The following DMXL2 variants were observed in gnomAD, a reference collection of about 807,000 sequenced individuals.
DMXL2 encodes dmX-like protein 2.
A neutral mutation model predicts 331.1 loss-of-function variants in DMXL2; 103 were observed. The ratio of observed to expected loss-of-function variants is 0.31; its 90% CI spans 0.27 to 0.37. The LOEUF (loss-of-function observed/expected upper bound fraction) is 0.37. Ranked by LOEUF, DMXL2 falls within the 10% of genes least tolerant of loss-of-function variation. The pLI is 1.00. For synonymous variants in DMXL2, 1,281 were observed against 1,252.1 expected, an observed-to-expected ratio of 1.02 and a Z score of -0.49; for missense variants, 3,171 against 3,642.9, an observed-to-expected ratio of 0.87 and a Z score of 3.33.
chr15:51,507,105 C>A, intron 16 of DMXL2, 29 bp downstream of exon 16: 1 of 1,495,806 alleles, frequency 6.7e-7, no homozygotes, highest in East Asian at 2.4e-5. Context: ...TGTTATGTAT[C>A]ATCTCTGTAT....
intron 3 of DMXL2, chr15:51,566,983 T>C (rs893368629): frequency 2.6e-5 from 4 of 152,042 alleles, no homozygotes; most frequent in African/African-American, 9.7e-5. Flanking sequence ...AGTGAGCTTT[T>C]TAAACTCCTA....
At chr15:51,585,987 G>A (rs982990212) in intron 1 of DMXL2, among the ~76,000 whole-genome samples, 1 of 152,144 alleles carries the variant, frequency 6.6e-6, no homozygotes, top group Non-Finnish European at 1.5e-5. Context: ...CCACACTACA[G>A]TAAGAAAAGC....
At chr15:51,475,693 A>G (rs1337253164) in intron 27 of DMXL2, among the ~76,000 whole-genome samples, 1 of 152,220 alleles carries the variant, frequency 6.6e-6, no homozygotes, top group Non-Finnish European at 1.5e-5. Context: ...ATGGGCCCCC[A>G]AAAGCACATT....
chr15:51,603,713 A>C (rs1781645361), intron 1 of DMXL2: 1 of 151,948 alleles, frequency 6.6e-6, no homozygotes, highest in South Asian at 2.1e-4. Flanking sequence ...AAAAAACAAA[A>C]AAAAATTAGC....
intron 13 of DMXL2, among the ~76,000 whole-genome samples, chr15:51,523,649 A>G (rs1030809377): frequency 8.8e-6 from 1 of 114,246 alleles, no homozygotes; most frequent in Non-Finnish European, 1.9e-5. Context: ...CAGATGGACG[A>G]AGGCCATGAG....
intron 29 of DMXL2, among the ~76,000 whole-genome samples, chr15:51,467,490 A>C (rs961874335): frequency 1.3e-5 from 2 of 152,168 alleles, no homozygotes; most frequent in African/African-American, 4.8e-5. Flanking sequence ...AATACCTCAA[A>C]CTGGAAAATC....
chr15:51,464,861 G>A lies in DMXL2; in HGVS notation c.7622C>T (p.Ser2541Leu). The change falls in exon 32 of 44, where the codon TCA (serine) becomes TTA (leucine). Residue 2541 changes from serine to leucine, a missense_variant. Around this residue, in one of 7 missense-constraint regions of DMXL2, gnomAD observed 766 missense variants for 940.5 expected, o/e 0.81. Coordinates refer to ENST00000560891, the MANE Select transcript of DMXL2 (RefSeq NM_001378457.1). ...GLEFSELPVT[S>L]PLGIAVIKNL... ...TTTAATCACAGCAATACCTAATGGT[G>A]ATGTTACAGGCAGCTCTACAAGGTG... is the stretch of plus-strand genomic sequence containing the variant. 6.2e-7 allele frequency: 1 copy of A among 1,613,392 alleles called. No individual in the cohort carries two copies. Among genetic ancestry groups the A allele is most frequent in the Non-Finnish European group, 8.5e-7 (1 of 1,179,586 alleles).
At chr15:51,461,799 C>T (rs2040150358) in intron 33 of DMXL2, among the ~76,000 whole-genome samples, 1 of 152,142 alleles carries the variant, frequency 6.6e-6, no homozygotes, top group Non-Finnish European at 1.5e-5. Flanking sequence ...AGATCCCCCA[C>T]CTAGTGCTAG....
At chr15:51,559,994 A>T (rs1176704508) in intron 6 of DMXL2, among the ~76,000 whole-genome samples, 3 of 152,206 alleles carry the variant, frequency 2.0e-5, no homozygotes, top group Admixed American at 2.0e-4. Flanking sequence ...TGTACAAGAC[A>T]TCTGCTGCAG....
intron 11 of DMXL2, among the ~76,000 whole-genome samples, chr15:51,537,231 T>C (rs2048337146): frequency 6.6e-6 from 1 of 152,174 alleles, no homozygotes; most frequent in Admixed American, 6.5e-5. Context: ...CAAAATATTA[T>C]TAATTCCCTC....
intron 7 of DMXL2, 77 bp from the exon 8 acceptor site, chr15:51,545,843 G>T: frequency 1.6e-6 from 2 of 1,272,606 alleles, no homozygotes; most frequent in Non-Finnish European, 1.1e-6. Context: ...GGTTCTTCAT[G>T]CATAAAGATA....
At chr15:51,484,192 G>A (rs752320919) in intron 23 of DMXL2, among the ~76,000 whole-genome samples, 5 of 152,184 alleles carry the variant, frequency 3.3e-5, no homozygotes, top group South Asian at 2.1e-4. Context: ...CTGAGTAGCC[G>A]TGAGGCCACA....
intron 1 of DMXL2, among the ~76,000 whole-genome samples, chr15:51,608,003 T>C (rs1294247832): frequency 6.6e-6 from 1 of 151,944 alleles, no homozygotes; most frequent in Non-Finnish European, 1.5e-5. Context: ...CTGGCCAACA[T>C]GGTGAAACCC....
At chr15:51,574,325 T>C (rs1022129844) in intron 2 of DMXL2, among the ~76,000 whole-genome samples, 1 of 152,186 alleles carries the variant, frequency 6.6e-6, no homozygotes, top group African/African-American at 2.4e-5. Flanking sequence ...ACTCTCCTCT[T>C]GGTAAGATGG....
chr15:51,594,706 C>T (rs2052658228), intron 1 of DMXL2, among the ~76,000 whole-genome samples: 1 of 152,152 alleles, frequency 6.6e-6, no homozygotes, highest in African/African-American at 2.4e-5. Flanking sequence ...CATCAAGAAG[C>T]TTATCCACCA....
rs753904885 is a variant in DMXL2, at chr15:51,498,834, G to C, written c.4390C>G (p.Pro1464Ala). The change falls in exon 18 of 44, where the codon CCA becomes GCA. Residue 1464 changes from proline (P) to alanine (A), a missense_variant. Around this residue, in one of 7 missense-constraint regions of DMXL2, gnomAD observed 1,674 missense variants for 1,780.2 expected, o/e 0.94. Transcript: ENST00000560891. Reference protein sequence around the residue: ...QSYEDQTVSQPEDQYSELFQI... With the variant: ...QSYEDQTVSQAEDQYSELFQI... ...AACAGCTCTGAATACTGATCCTCTG[G>C]TTGACTTACTGTCTGATCTTCATAG... is the stretch of plus-strand genomic sequence containing the variant. The C allele has an allele frequency of 1.2e-6, 2 of 1,613,986 alleles. No homozygotes were observed.
At chr15:51,539,438 CAG>C (rs1281189399) in intron 9 of DMXL2, among the ~76,000 whole-genome samples, 6 of 152,004 alleles carry the variant, frequency 3.9e-5, no homozygotes, top group Non-Finnish European at 8.8e-5. Flanking sequence ...CACAAGAAGG[CAG>C]GCAAAATTCT....
At chr15:51,478,228 T>C (rs1345147814) in intron 26 of DMXL2, 43 bp downstream of exon 26, 1 of 1,504,340 alleles carries the variant, frequency 6.6e-7, no homozygotes, top group Non-Finnish European at 9.2e-7. Flanking sequence ...AACAGTTTAA[T>C]GTTTTTGCTG....
Position 51,459,605 on chromosome 15 carries a change from T to A in DMXL2, c.7982A>T (p.His2661Leu). 7.8e-7 allele frequency: 1 copy of A among 1,289,848 alleles called. No individual in the cohort carries two copies. 79.9% of individuals were successfully genotyped at this position (1,289,848 alleles called of 1,614,324 possible). ...AAGATCTTGGAATACTACCTTGATG[T>A]GGCAATCTTCTGCTATGCAGTTTTG... ...VNQNCIAEDC[H>L]IKVEADLGYP... is the part of the protein sequence containing the mutation. The change falls in exon 34 of 44, where the codon CAC becomes CTC. Residue 2661 changes from histidine (H) to leucine (L), a missense_variant. Around this residue, in one of 7 missense-constraint regions of DMXL2, gnomAD observed 766 missense variants for 940.5 expected, o/e 0.81. Coordinates refer to ENST00000560891, the MANE Select transcript of DMXL2 (RefSeq NM_001378457.1).
Sources: allele counts gnomAD v4.1 joint callset (sites outside exome capture counted in the v4.1 genomes callset), GRCh38; gene constraint gnomAD v4.1.1; regional missense constraint gnomAD v4.1.1; transcripts MANE v1.5; gene names NCBI Gene and HGNC (gene_info 2026-07-23, HGNC 2026-07-21).